UBE2D2: variants seen among roughly 807,000 people sequenced by gnomAD.
UBE2D2 encodes the protein ubiquitin conjugating enzyme E2 D2, also known as ubiquitin-conjugating enzyme E2 D2.
A neutral mutation model predicts 24.2 loss-of-function variants in UBE2D2; 2 were observed. The ratio of observed to expected loss-of-function variants is 0.08; its 90% CI spans 0.03 to 0.26. The LOEUF is 0.26. Among genes scored for constraint, UBE2D2 ranks in the 10% least tolerant of loss-of-function variants. The pLI is 1.00. For missense variants in UBE2D2, 44 were observed against 177.6 expected (o/e 0.25, Z 4.28); for synonymous variants, 58 against 56.5 (o/e 1.03, Z -0.12).
intron 1 of UBE2D2, among the ~76,000 whole-genome samples, chr5:139,598,900 A>G (rs1304695456): frequency 7.2e-6 from 1 of 139,778 alleles, no homozygotes; most frequent in Non-Finnish European, 1.5e-5. Context: ...TACTTCAGTC[A>G]GCCTTTTAAA....
intron 2 of UBE2D2, among the ~76,000 whole-genome samples, chr5:139,607,715 A>G (rs893471903): frequency 6.6e-6 from 1 of 152,234 alleles, no homozygotes; most frequent in African/African-American, 2.4e-5. Flanking sequence ...ACAATAATGT[A>G]AGAATGTTCG....
chr5:139,619,202 C>G (rs1754468545), intron 5 of UBE2D2, among the ~76,000 whole-genome samples: 1 of 152,026 alleles, frequency 6.6e-6, no homozygotes, highest in South Asian at 2.1e-4. Context: ...TTAAGAACAG[C>G]CTGGCCAACA....
chr5:139,596,351 T>C (rs1386266970), intron 1 of UBE2D2, among the ~76,000 whole-genome samples: 1 of 150,500 alleles, frequency 6.6e-6, no homozygotes, highest in Non-Finnish European at 1.5e-5. Flanking sequence ...TGGAGTGCAG[T>C]GTCACAATCT....
chr5:139,530,260 T>TGGACAC (rs932750758), intron 1 of UBE2D2, among the ~76,000 whole-genome samples: 44 of 152,306 alleles, frequency 2.9e-4, no homozygotes, highest in African/African-American at 9.9e-4. Context: ...ACTGGATATG[T>TGGACAC]GGACACAGAG....
chr5:139,564,811 C>T (rs1322107233), intron 1 of UBE2D2, among the ~76,000 whole-genome samples: 2 of 152,132 alleles, frequency 1.3e-5, no homozygotes, highest in African/African-American at 2.4e-5. Flanking sequence ...TTCCCTAGAG[C>T]TCTTCACAAA....
rs550680290 is a variant in UBE2D2, at chr5:139,622,491, C to T, written c.305-877C>T. On this transcript the variant is annotated intron_variant, in intron 5 of 6. Coordinates refer to ENST00000398733, the MANE Select transcript of UBE2D2 (RefSeq NM_003339.3). ...ATCTCTTGATCTCGTGATCCACCCC[C>T]CTCCGCCTCCCAAAGTGCTGGGATT... 1.2e-4 allele frequency among the ~76,000 whole-genome samples: 18 copies of T among 151,362 alleles called. No individual in the cohort carries two copies. The East Asian group carries it at 2.4e-3, about 20-fold the overall frequency.
intron 1 of UBE2D2, among the ~76,000 whole-genome samples, chr5:139,582,110 G>A (rs1312031049): frequency 1.3e-5 from 2 of 151,590 alleles, no homozygotes; most frequent in Non-Finnish European, 2.9e-5. Flanking sequence ...CCCAAGGACT[G>A]TAGGCACTGT....
Position 139,531,467 on chromosome 5 carries a change from C to T in UBE2D2, c.-64+4855C>T, listed in dbSNP as rs612876. ...ACAGAAATTGTGCACTCGGGGAGAT[C>T]GGATTTTAAGGCAGTAGCTTGCCGA... On this transcript the variant is annotated intron_variant, in intron 1 of 6. Transcript: ENST00000511725. Among the ~76,000 whole-genome samples, 369 of 152,076 alleles carry T rather than the reference C, an allele frequency of 2.4e-3. 1 individual carries two copies. Among genetic ancestry groups the T allele is most frequent in the Middle Eastern group, 0.01 (3 of 294 alleles).
intron 2 of UBE2D2, among the ~76,000 whole-genome samples, chr5:139,606,399 G>A (rs1233060027): frequency 2.0e-5 from 3 of 152,094 alleles, no homozygotes; most frequent in Admixed American, 6.6e-5. Context: ...CTGACCTCAG[G>A]TGATCCACCC....
At chr5:139,603,462 A>G (rs940287530) in intron 2 of UBE2D2, among the ~76,000 whole-genome samples, 2 of 151,664 alleles carry the variant, frequency 1.3e-5, no homozygotes. Flanking sequence ...GTCTCTACTA[A>G]AAATACAAAA....
intron 1 of UBE2D2, among the ~76,000 whole-genome samples, chr5:139,565,563 CTCA>C (rs1433537829): frequency 6.6e-6 from 1 of 152,158 alleles, no homozygotes; most frequent in African/African-American, 2.4e-5. Context: ...TTGGCTGCAT[CTCA>C]TCTGTTGTGG....
At position 139,600,355 on chromosome 5, in the gene UBE2D2, C is replaced by T. The variant is rs747935694; in HGVS notation, c.25-17C>T. The T allele has an allele frequency of 1.9e-6, 3 of 1,612,854 alleles. No individual in the cohort carries two copies. The South Asian group carries it at 3.3e-5, about 18-fold the overall frequency. ...CATTTATGTTGAATATATTTCTTTT[C>T]TTTCTTTTTTCTGTAGGAATTGAAT... On this transcript the variant is annotated splice_polypyrimidine_tract_variant and intron_variant, in intron 1 of 6. Transcript: ENST00000398733.
intron 2 of UBE2D2, among the ~76,000 whole-genome samples, chr5:139,606,203 C>T (rs138509724): frequency 0.014 from 2,100 of 152,024 alleles, 50 homozygotes; most frequent in African/African-American, 0.048. Flanking sequence ...ACTCTGTTGC[C>T]CGGGCTGGAG....
chr5:139,541,386 G>T (rs1231413160), intron 1 of UBE2D2, among the ~76,000 whole-genome samples: 1 of 151,516 alleles, frequency 6.6e-6, no homozygotes, highest in Non-Finnish European at 1.5e-5. Context: ...CGGATCACAA[G>T]TTCAGGAGTT....
At chr5:139,561,175 C>G (rs1227035258), upstream of UBE2D2, 3 of 152,676 alleles carry the variant, frequency 2.0e-5, no homozygotes, top group Non-Finnish European at 4.4e-5. Flanking sequence ...GGCTTCGCAG[C>G]GTCACGCCCT....
At chr5:139,540,855 A>T (rs1223367706) in intron 1 of UBE2D2, among the ~76,000 whole-genome samples, 3 of 150,186 alleles carry the variant, frequency 2.0e-5, no homozygotes, top group Non-Finnish European at 4.4e-5. Flanking sequence ...TTTGCTGGGC[A>T]TGGTGGCAGG....
intron 1 of UBE2D2, among the ~76,000 whole-genome samples, chr5:139,553,065 C>T (rs1048617516): frequency 9.2e-5 from 14 of 151,542 alleles, no homozygotes; most frequent in South Asian, 2.1e-4. Flanking sequence ...GTGATCCGCC[C>T]GCCTTGGCCT....
At chr5:139,580,345 G>T (rs1286557885) in intron 1 of UBE2D2, among the ~76,000 whole-genome samples, 1 of 152,094 alleles carries the variant, frequency 6.6e-6, no homozygotes, top group Non-Finnish European at 1.5e-5. Context: ...GATTACAGTC[G>T]TGAGTCACCC....
intron 2 of UBE2D2, among the ~76,000 whole-genome samples, chr5:139,609,772 TTTTTTTG>T (rs1754273851): frequency 6.7e-6 from 1 of 150,072 alleles, no homozygotes; most frequent in African/African-American, 2.4e-5. Flanking sequence ...TCTTTTTTTG[TTTTTTTG>T]TTTTTTTTTT....
Sources: gnomAD v4.1 joint callset for allele counts (sites outside exome capture counted in the v4.1 genomes callset) on GRCh38, gnomAD v4.1.1 for gene constraint, MANE v1.5 for transcripts, NCBI Gene and HGNC (gene_info 2026-07-23, HGNC 2026-07-21) for gene names.